Variants in BOD1L1 observed in about 807,000 individuals in gnomAD.
BOD1L1 encodes biorientation of chromosomes in cell division protein 1-like 1.
In BOD1L1, 86 loss-of-function variants were observed where a neutral mutation model predicts 240.7. The ratio of observed to expected loss-of-function variants is 0.36; its 90% CI spans 0.30 to 0.43. The LOEUF is 0.43. Among genes scored for constraint, BOD1L1 ranks in the 20% least tolerant of loss-of-function variants. The pLI, the probability that BOD1L1 is intolerant of heterozygous loss-of-function variation, is 1.00. For synonymous variants in BOD1L1, 1,268 were observed against 1,272.3 expected, an observed-to-expected ratio of 1.00 and a Z score of 0.07; for missense variants, 3,554 against 3,643.5, an observed-to-expected ratio of 0.98 and a Z score of 0.63.
rs1714688012 is a variant in BOD1L1, at chr4:13,597,151, A to G, written c.7972T>C (p.Leu2658=). The change falls in exon 11 of 26, where the codon TTG becomes CTG. Residue 2658 remains leucine (L), a synonymous_variant. Transcript: ENST00000040738. ...VCDIGNEESP[L]NVLGGLKLKA... Reference sequence around the variant, plus strand: ...AGTTTCAATCCTCCCAAAACATTCAATGGAGACTCTTCATTGCCTAATAAA... The same window carrying G: ...AGTTTCAATCCTCCCAAAACATTCAGTGGAGACTCTTCATTGCCTAATAAA... 1 of 1,594,758 alleles carries G rather than the reference A, an allele frequency of 6.3e-7. No individual in the cohort carries two copies. Among genetic ancestry groups the G allele is most frequent in the Non-Finnish European group, 8.6e-7 (1 of 1,169,388 alleles).
intron 12 of BOD1L1, chr4:13,592,333 C>T (rs1029328916): frequency 1.8e-5 from 3 of 170,054 alleles, no homozygotes; most frequent in South Asian, 1.8e-4. Flanking sequence ...AAAATAATAG[C>T]GTCAAATGAA....
At chr4:13,577,901 G>T in intron 22 of BOD1L1, 1 of 303,802 alleles carries the variant, frequency 3.3e-6, no homozygotes, top group Non-Finnish European at 6.0e-6. Context: ...AGTTGGATTA[G>T]ACTACTTTTT....
intron 12 of BOD1L1, among the ~76,000 whole-genome samples, chr4:13,593,865 T>C (rs1048119287): frequency 8.5e-5 from 13 of 152,186 alleles, no homozygotes; most frequent in African/African-American, 2.9e-4. Flanking sequence ...TGGAATACCA[T>C]GTGGATCCAG....
Position 13,595,840 on chromosome 4 carries a change from A to C in BOD1L1, c.8104+20T>G. On this transcript the variant is annotated intron_variant, in intron 12 of 25. Transcript: ENST00000040738. The stretch of plus-strand genomic sequence containing the variant: ...AGGCAAAAACAAAAACAATGTGAAC[A>C]ACCATTCTAAAGAGCTCACCTATTC... The C allele has an allele frequency of 4.4e-6, 7 of 1,598,992 alleles. No individual in the cohort carries two copies. The highest frequency in any genetic ancestry group is 6.0e-6 in the Non-Finnish European group (7 of 1,171,610).
At chr4:13,585,272 A>G (rs552111605) in intron 17 of BOD1L1, among the ~76,000 whole-genome samples, 1 of 152,328 alleles carries the variant, frequency 6.6e-6, no homozygotes. Context: ...GGGGAAAAAA[A>G]GAGACCAAAG....
chr4:13,600,542 G>T lies in BOD1L1; in HGVS notation c.6358C>A (p.Pro2120Thr). 2 of 1,613,270 alleles carry T rather than the reference G, an allele frequency of 1.2e-6. No homozygotes were observed. The highest frequency in any genetic ancestry group is 1.7e-6 in the Non-Finnish European group (2 of 1,179,670). ...VTTEEFEAPM[P>T]SAVSGDDSQL... Reference sequence around the variant, plus strand: ...CTGTCATCTCCTGAGACTGCACTGGGCATGGGGGCCTCAAATTCTTCTGTG... The same window carrying T: ...CTGTCATCTCCTGAGACTGCACTGGTCATGGGGGCCTCAAATTCTTCTGTG... The change falls in exon 10 of 26, where the codon CCC (proline) becomes ACC (threonine). Residue 2120 changes from proline (P) to threonine (T), a missense_variant. Coordinates refer to ENST00000040738, the MANE Select transcript of BOD1L1 (RefSeq NM_148894.3).
intron 17 of BOD1L1, 45 bp from the exon 18 acceptor site, chr4:13,582,781 C>T: frequency 1.5e-6 from 2 of 1,350,882 alleles, no homozygotes; most frequent in Non-Finnish European, 2.1e-6. Context: ...CAAACTGAAG[C>T]CTTCGTCCAT....
intron 2 of BOD1L1, among the ~76,000 whole-genome samples, chr4:13,619,275 C>A (rs1247172255): frequency 6.8e-6 from 1 of 147,950 alleles, no homozygotes; most frequent in Non-Finnish European, 1.5e-5. Context: ...TGCCACTGCA[C>A]TCCTGCCTGG....
intron 15 of BOD1L1, among the ~76,000 whole-genome samples, chr4:13,588,083 G>A (rs1713858874): frequency 1.3e-5 from 2 of 151,708 alleles, no homozygotes; most frequent in Non-Finnish European, 2.9e-5. Context: ...AGCTGCTTGT[G>A]AGGCTGAGGC....
At chr4:13,623,370 A>G (rs999384778) in intron 1 of BOD1L1, 65 of 152,170 alleles carry the variant, frequency 4.3e-4, no homozygotes, top group African/African-American at 1.6e-3. Context: ...CTTACTTGAC[A>G]AGAGAGGTAC....
In BOD1L1 at chr4:13,576,828, C is replaced by T. The variant is rs945809344; in HGVS notation, c.9038+10G>A. The T allele has an allele frequency of 1.1e-5, 18 of 1,611,584 alleles. No individual in the cohort carries two copies. The highest frequency in any genetic ancestry group is 1.7e-5 in the Admixed American group (1 of 59,564). On this transcript the variant is annotated intron_variant, in intron 25 of 25. Coordinates refer to ENST00000040738, the MANE Select transcript of BOD1L1 (RefSeq NM_148894.3). ...GAAGGTCTCTGGCAGCTCTGTGCTG[C>T]CCCCATTACCTCTGAGCCTCTGATC...
At position 13,611,026 on chromosome 4, in the gene BOD1L1, G is replaced by A. The variant is rs746967606; in HGVS notation, c.1399C>T (p.Arg467Trp). Reference protein sequence around the residue: ...DSSEGKTKSVRHAYVHKPYLY... With the variant: ...DSSEGKTKSVWHAYVHKPYLY... ...TATGGTTTGTGGACATACGCATGCC[G>A]TACACTTTTTGTTTTTCCTTCACTA... The change falls in exon 6 of 26, where the codon CGG becomes TGG. Residue 467 changes from arginine to tryptophan, a missense_variant. By Grantham distance (101) the Arg-to-Trp change is moderately radical. Coordinates refer to ENST00000040738, the MANE Select transcript of BOD1L1 (RefSeq NM_148894.3). 1.5e-5 allele frequency: 24 copies of A among 1,611,516 alleles called. No individual in the cohort carries two copies. The highest frequency in any genetic ancestry group is 4.5e-5 in the East Asian group (2 of 44,812).
At position 13,604,855 on chromosome 4, in the gene BOD1L1, C is replaced by T. The variant is rs1298034837; in HGVS notation, c.2045G>A (p.Arg682His). Residue 682 changes from arginine to histidine, a missense_variant, in exon 10 of 26, where the codon CGC becomes CAC. Physicochemically the swap from Arg to His is conservative, Grantham distance 29 (BLOSUM62 0). This residue lies in a region of BOD1L1 where 3,393 missense variants were observed against 3,427.1 expected (regional missense o/e 0.99). Coordinates refer to ENST00000040738, the MANE Select transcript of BOD1L1 (RefSeq NM_148894.3). The part of the protein sequence containing the change: ...DTRDVKRQVE[R>H]SEICTEEPQK... ...GGGCTCTTCGGTGCAAATTTCTGAG[C>T]GTTCTACTTGCCTTTTTACATCTCT... 12 of 1,611,918 alleles carry T rather than the reference C, an allele frequency of 7.4e-6. No individual in the cohort carries two copies. In the East Asian group the frequency reaches 1.1e-4, roughly 15 times the overall value.
At position 13,627,426 on chromosome 4, in the gene BOD1L1, C is replaced by A. The variant is rs2109010139; in HGVS notation, c.162G>T (p.Val54=). 1 of 1,361,390 alleles carries A rather than the reference C, an allele frequency of 7.3e-7. No individual in the cohort carries two copies. The highest frequency in any genetic ancestry group is 9.6e-7 in the Non-Finnish European group (1 of 1,042,802). The allele number at this position is 1,361,390 out of a possible 1,614,324, so 84.3% of individuals were successfully genotyped here. ...AGAGAGDPQL[V]AMIVNHLKSQ... The stretch of plus-strand genomic sequence containing the variant: ...TCTTGAGGTGGTTCACGATCATGGC[C>A]ACGAGCTGCGGGTCCCCGGCGCCCG... The change falls in exon 1 of 26, where the codon GTG becomes GTT. Residue 54 remains valine (V), a synonymous_variant. Coordinates refer to ENST00000040738, the MANE Select transcript of BOD1L1 (RefSeq NM_148894.3).
In BOD1L1 at chr4:13,599,040, C is replaced by T. The variant is rs1354197040; in HGVS notation, c.7860G>A (p.Glu2620=). The T allele has an allele frequency of 3.7e-6, 6 of 1,613,870 alleles. No individual in the cohort carries two copies. The African/African-American group carries it at 8.0e-5, about 22-fold the overall frequency. The change falls in exon 10 of 26, where the codon GAG becomes GAA. Residue 2620 remains glutamate, a synonymous_variant. Transcript: ENST00000040738. ...TTGTGCTGTTATCATCTCCTGTTTTCTCAGCAGATGCTTGATCAGTCCATT... is the reference window on the plus strand; with the variant it reads ...TTGTGCTGTTATCATCTCCTGTTTTTTCAGCAGATGCTTGATCAGTCCATT... ...SGKWTDQASA[E]KTGDDNSTRK...
chr4:13,591,353 T>C (rs1247819998), intron 13 of BOD1L1, among the ~76,000 whole-genome samples: 1 of 152,162 alleles, frequency 6.6e-6, no homozygotes, highest in Admixed American at 6.5e-5. Context: ...TCACTGATAG[T>C]ACCCCAATTC....
chr4:13,597,822 A>C (rs1344131358), intron 10 of BOD1L1, among the ~76,000 whole-genome samples: 1 of 152,236 alleles, frequency 6.6e-6, no homozygotes, highest in African/African-American at 2.4e-5. Flanking sequence ...ATTCAACAGA[A>C]ACTTGTAAAG....
rs1714976193 is a variant in BOD1L1 at position 13,600,012 on chromosome 4, G to A, written c.6888C>T (p.Ser2296=). Residue 2296 remains serine (S), a synonymous_variant, in exon 10 of 26, where the codon AGC becomes AGT. Transcript: ENST00000040738. The stretch of plus-strand genomic sequence containing the variant: ...TGACTGCTTCACACCCTTCAGAGGT[G>A]CTTGTGGAAATCATGGCGGTGTCAC... ...EMGDTAMIST[S]TSEGCEAVMI... The A allele has an allele frequency of 7.5e-6, 12 of 1,610,172 alleles. No individual in the cohort carries two copies. Among genetic ancestry groups the A allele is most frequent in the Non-Finnish European group, 1.0e-5 (12 of 1,178,066 alleles).
Position 13,610,871 on chromosome 4 carries a change from T to C in BOD1L1, c.1491+63A>G, listed in dbSNP as rs1716104956. 8.6e-6 allele frequency: 12 copies of C among 1,398,074 alleles called. 1 individual carries two copies. The highest frequency in any genetic ancestry group is 1.4e-5 in the South Asian group (1 of 72,380). The allele number at this position is 1,398,074 out of a possible 1,614,324, so 86.6% of individuals were successfully genotyped here. A position where few individuals can be genotyped will look rare whatever the true frequency, so the allele number is the denominator to read the frequency against. The stretch of plus-strand genomic sequence containing the variant: ...CATATGCACATCAGTACCTTGCAGA[T>C]AGACTATTTAAGTTTGTTAACCTGA... On this transcript the variant is annotated intron_variant, in intron 6 of 25. Transcript: ENST00000040738.
Sources: gnomAD v4.1 joint callset for allele counts (sites outside exome capture counted in the v4.1 genomes callset) on GRCh38, gnomAD v4.1.1 for gene constraint, gnomAD v4.1.1 regional missense constraint, MANE v1.5 for transcripts, NCBI Gene and HGNC (gene_info 2026-07-23, HGNC 2026-07-21) for gene names.